The following CTNNA2 variants were observed in gnomAD, a reference collection of about 807,000 sequenced individuals.
CTNNA2 encodes the protein catenin alpha-2.
CTNNA2 carries 42 observed loss-of-function variants against 101.0 expected under a neutral mutation model. The ratio of observed to expected loss-of-function variants is 0.42; its 90% CI spans 0.32 to 0.54. The LOEUF (loss-of-function observed/expected upper bound fraction) is 0.54. CTNNA2 is among the 20% of genes least tolerant of loss of function. The probability of loss-of-function intolerance (pLI) is 0.14; values close to 1 mark genes in which losing one functional copy is unlikely to be tolerated. For missense variants in CTNNA2, 871 were observed against 1,223.1 expected, an observed-to-expected ratio of 0.71 and a Z score of 4.29; for synonymous variants, 450 against 456.4, an observed-to-expected ratio of 0.99 and a Z score of 0.18.
intron 4 of CTNNA2, among the ~76,000 whole-genome samples, chr2:79,860,062 T>TATA (rs1681470988): frequency 2.0e-5 from 3 of 152,160 alleles, no homozygotes; most frequent in Non-Finnish European, 4.4e-5. Context: ...CTGCCATTCC[T>TATA]CCAGTCTGTC....
intron 1 of CTNNA2, among the ~76,000 whole-genome samples, chr2:79,619,248 G>T (rs1463947081): frequency 6.6e-6 from 1 of 152,176 alleles, no homozygotes; most frequent in Admixed American, 6.5e-5. Context: ...TCAGTTTTGA[G>T]AAGAATGAGC....
Position 79,699,509 on chromosome 2 carries a change from T to C in CTNNA2, c.103-44878T>C, listed in dbSNP as rs150373246. Among the ~76,000 whole-genome samples the C allele has an allele frequency of 7.2e-5, 11 of 152,048 alleles. No homozygotes were observed. In the East Asian group the frequency reaches 2.1e-3, roughly 29 times the overall value. ...AAATTCAAGGCCAAAAGTCTCTATA[T>C]AAAAATTATGCAAAGATCCATATTT... On this transcript the variant is annotated intron_variant, in intron 2 of 18. Coordinates refer to ENST00000402739, the MANE Select transcript of CTNNA2 (RefSeq NM_001282597.3).
intron 12 of CTNNA2, chr2:80,572,753 TTTATC>T (rs1202045907): frequency 6.6e-6 from 1 of 152,206 alleles, no homozygotes; most frequent in East Asian, 1.9e-4. Context: ...CCCAAATTCT[TTTATC>T]TAAATATAGC....
At chr2:79,927,356 T>C (rs1038004519) in intron 7 of CTNNA2, among the ~76,000 whole-genome samples, 29 of 152,116 alleles carry the variant, frequency 1.9e-4, no homozygotes, top group African/African-American at 7.0e-4. Flanking sequence ...AGAGTGGCTC[T>C]TGAGAGTGTC....
chr2:79,771,001 G>C (rs1673530944), intron 3 of CTNNA2, among the ~76,000 whole-genome samples: 1 of 152,194 alleles, frequency 6.6e-6, no homozygotes, highest in South Asian at 2.1e-4. Context: ...AGATCAAGCT[G>C]GTTGGCCTCT....
chr2:80,346,541 A>C (rs1165901463), intron 7 of CTNNA2, among the ~76,000 whole-genome samples: 1 of 152,180 alleles, frequency 6.6e-6, no homozygotes, highest in Non-Finnish European at 1.5e-5. Context: ...TCAACATGAA[A>C]TTGGGGTGGG....
chr2:80,589,482 C>T lies in CTNNA2; in HGVS notation c.2186C>T (p.Thr729Ile). The T allele has an allele frequency of 6.2e-7, 1 of 1,613,112 alleles. No homozygotes were observed. The change falls in exon 15 of 19, where the codon ACA becomes ATA. Residue 729 changes from threonine (T) to isoleucine (I), a missense_variant. Physicochemically the swap from Thr to Ile is moderately conservative, Grantham distance 89. Around this residue, in one of 5 missense-constraint regions of CTNNA2, gnomAD observed 93 missense variants for 223.7 expected, o/e 0.42. Coordinates refer to ENST00000402739, the MANE Select transcript of CTNNA2 (RefSeq NM_001282597.3). ...ATCATGATGGAAATGACAGACTTCA[C>T]AAGGTGAGGCCCAGAGCCAGGGAGC... is the stretch of plus-strand genomic sequence containing the variant. ...CMIMMEMTDF[T>I]RGKGPLKNTS...
chr2:79,909,154 A>G (rs1301214141), intron 6 of CTNNA2, among the ~76,000 whole-genome samples: 1 of 115,954 alleles, frequency 8.6e-6, no homozygotes, highest in Non-Finnish European at 1.8e-5. Context: ...TCTGCTTCTC[A>G]TGAGGAGGAT....
chr2:79,840,006 C>T (rs999134606), intron 3 of CTNNA2, among the ~76,000 whole-genome samples: 11 of 152,140 alleles, frequency 7.2e-5, no homozygotes, highest in Admixed American at 1.3e-4. Flanking sequence ...CTAAAACATT[C>T]TTATCTGAGA....
chr2:80,162,728 T>G, intron 7 of CTNNA2: 1 of 1,611,226 alleles, frequency 6.2e-7, no homozygotes, highest in Non-Finnish European at 8.5e-7. Context: ...GTGATTGAAC[T>G]GATGGTGAAA....
chr2:80,192,358 G>A (rs542633700), intron 7 of CTNNA2, among the ~76,000 whole-genome samples: 35 of 152,188 alleles, frequency 2.3e-4, no homozygotes, highest in South Asian at 1.9e-3. Context: ...CCATACGATT[G>A]TCTGTAAAGA....
chr2:79,449,854 G>T (rs1225968704), intron 4 of CTNNA2, among the ~76,000 whole-genome samples: 3 of 152,094 alleles, frequency 2.0e-5, no homozygotes, highest in African/African-American at 7.2e-5. Context: ...AATGTGTGGG[G>T]TCACACTCAA....
At chr2:80,543,084 A>T (rs1691720902) in intron 9 of CTNNA2, among the ~76,000 whole-genome samples, 1 of 152,242 alleles carries the variant, frequency 6.6e-6, no homozygotes, top group Non-Finnish European at 1.5e-5. Flanking sequence ...TACTGTCTAC[A>T]ATAAGTTACA....
chr2:80,017,144 C>T (rs1441079266), intron 7 of CTNNA2, among the ~76,000 whole-genome samples: 1 of 152,128 alleles, frequency 6.6e-6, no homozygotes, highest in Non-Finnish European at 1.5e-5. Flanking sequence ...CCAAAATGCA[C>T]AATTCCTTTG....
Position 80,546,164 on chromosome 2 carries a change from A to G in CTNNA2, c.1540+101A>G, listed in dbSNP as rs141297230. 5.6e-6 allele frequency: 8 copies of G among 1,420,042 alleles called. No homozygotes were observed. In the African/African-American group the frequency reaches 1.1e-4, roughly 20 times the overall value. The allele number at this position is 1,420,042 out of a possible 1,614,324, so 88.0% of individuals were successfully genotyped here. On this transcript the variant is annotated intron_variant, in intron 11 of 18. Transcript: ENST00000402739. ...TGTCATGGATCTGTGTTTCAGGCGC[A>G]CTCCTTAGATCTTTGAGCTTTTTTG...
rs143547125 is a variant in CTNNA2, at chr2:79,490,146, A to G, written c.-134-14908A>G. Reference sequence around the variant, plus strand: ...CATGCCTTGATATTCCCAGATTTCAATATTGCTCAAGCTGACCATACATAG... The same window carrying G: ...CATGCCTTGATATTCCCAGATTTCAGTATTGCTCAAGCTGACCATACATAG... On this transcript the variant is annotated intron_variant, in intron 4 of 21. Coordinates refer to the CTNNA2 transcript ENST00000466387. Among the ~76,000 whole-genome samples the G allele has an allele frequency of 1.8e-3, 269 of 152,276 alleles. 1 individual carries two copies. The highest frequency in any genetic ancestry group is 6.3e-3 in the African/African-American group (260 of 41,548).
intron 1 of CTNNA2, among the ~76,000 whole-genome samples, chr2:79,615,895 C>G (rs926364906): frequency 1.3e-5 from 2 of 152,122 alleles, no homozygotes; most frequent in Non-Finnish European, 2.9e-5. Flanking sequence ...TTGTAAATCA[C>G]GTAAAAATAT....
chr2:79,955,794 G>T (rs573242048), intron 7 of CTNNA2, among the ~76,000 whole-genome samples: 2 of 152,150 alleles, frequency 1.3e-5, no homozygotes, highest in East Asian at 3.9e-4. Flanking sequence ...GGGATTACAG[G>T]TGTGAGCCAC....
chr2:79,915,697 G>A (rs147328699), intron 7 of CTNNA2, among the ~76,000 whole-genome samples: 249 of 152,224 alleles, frequency 1.6e-3, no homozygotes, highest in African/African-American at 3.5e-3. Flanking sequence ...TGTGCAATCG[G>A]ATTTTTGCAT....
Sources: gnomAD v4.1 joint callset for allele counts (sites outside exome capture counted in the v4.1 genomes callset) on GRCh38, gnomAD v4.1.1 for gene constraint, gnomAD v4.1.1 regional missense constraint, MANE v1.5 for transcripts, NCBI Gene and HGNC (gene_info 2026-07-23, HGNC 2026-07-21) for gene names.